RNF144A: variants seen among roughly 807,000 people sequenced by gnomAD.
RNF144A encodes E3 ubiquitin-protein ligase RNF144A.
A neutral mutation model predicts 38.7 loss-of-function variants in RNF144A; 11 were observed. The observed-to-expected ratio is 0.28, with a 90% CI of 0.18 to 0.47. The LOEUF is 0.47. Ranked by LOEUF, RNF144A falls within the 20% of genes least tolerant of loss-of-function variation. The pLI is 0.99. For missense variants in RNF144A, 316 were observed against 377.2 expected (o/e 0.84, Z 1.34); for synonymous variants, 149 against 143.9 (o/e 1.04, Z -0.25).
At chr2:6,935,424 C>A (rs955578626) in intron 1 of RNF144A, among the ~76,000 whole-genome samples, 1 of 152,210 alleles carries the variant, frequency 6.6e-6, no homozygotes, top group Non-Finnish European at 1.5e-5. Context: ...CCTCATTGGT[C>A]GCTCTTCATC....
chr2:7,061,080 C>A (rs1462289667), intron 6 of RNF144A, among the ~76,000 whole-genome samples: 2 of 151,960 alleles, frequency 1.3e-5, no homozygotes, highest in East Asian at 3.9e-4. Flanking sequence ...TGGTAGTGGC[C>A]CAAGTGTTTC....
At chr2:7,034,707 G>C (rs139241029) in intron 8 of RNF144A, among the ~76,000 whole-genome samples, 9 of 152,210 alleles carry the variant, frequency 5.9e-5, no homozygotes, top group Non-Finnish European at 1.3e-4. Flanking sequence ...CAACAAGCTG[G>C]AATATTCAAG....
At chr2:6,952,392 GT>G (rs35358506) in intron 2 of RNF144A, among the ~76,000 whole-genome samples, 117,541 of 144,488 alleles carry the variant, frequency 0.81, 47,718 homozygotes, top group Non-Finnish European at 0.85. Flanking sequence ...AAGAGGGAGG[GT>G]TTTTTTTTTT....
intron 2 of RNF144A, among the ~76,000 whole-genome samples, chr2:6,951,661 A>G (rs1484345827): frequency 6.6e-6 from 1 of 152,134 alleles, no homozygotes; most frequent in Non-Finnish European, 1.5e-5. Flanking sequence ...CTCTAGATAC[A>G]CCTTACTTAT....
intron 5 of RNF144A, among the ~76,000 whole-genome samples, chr2:7,017,197 G>C (rs114832104): frequency 0.014 from 2,066 of 152,292 alleles, 51 homozygotes; most frequent in African/African-American, 0.047. Flanking sequence ...TCTATCTGGA[G>C]GCTCAGCCCT....
intron 2 of RNF144A, among the ~76,000 whole-genome samples, chr2:6,970,423 CA>C (rs1430302616): frequency 1.7e-4 from 26 of 152,358 alleles, no homozygotes; most frequent in African/African-American, 6.3e-4. Flanking sequence ...CCTCCCCAGC[CA>C]TGTGGAACTG....
intron 6 of RNF144A, among the ~76,000 whole-genome samples, chr2:7,022,579 G>A (rs1057073721): frequency 1.6e-4 from 25 of 152,098 alleles, no homozygotes; most frequent in African/African-American, 6.0e-4. Context: ...TGTTCCTGCC[G>A]TTTCTTCCAA....
At chr2:6,984,983 A>G (rs1246936036) in intron 2 of RNF144A, among the ~76,000 whole-genome samples, 1 of 152,214 alleles carries the variant, frequency 6.6e-6, no homozygotes, top group Non-Finnish European at 1.5e-5. Context: ...AGTTCATTGT[A>G]TTAGTTTATT....
downstream of RNF144A, among the ~76,000 whole-genome samples, chr2:7,044,519 A>G (rs1008501624): frequency 1.3e-5 from 2 of 152,160 alleles, no homozygotes; most frequent in African/African-American, 4.8e-5. Flanking sequence ...ATCCCCACTC[A>G]GGGCGCTCTG....
chr2:7,039,590 A>G, intron 8 of RNF144A, 39 bp from the exon 9 acceptor site: 1 of 1,610,812 alleles, frequency 6.2e-7, no homozygotes, highest in South Asian at 1.1e-5. Context: ...CCTACAGACC[A>G]GCCCTCCTTA....
intron 2 of RNF144A, among the ~76,000 whole-genome samples, chr2:6,952,120 T>A (rs1473542693): frequency 6.6e-6 from 1 of 152,188 alleles, no homozygotes; most frequent in Non-Finnish European, 1.5e-5. Context: ...CATAAATACA[T>A]GTTGAATTTT....
intron 6 of RNF144A, among the ~76,000 whole-genome samples, chr2:7,058,870 C>T (rs940100505): frequency 2.6e-5 from 4 of 151,978 alleles, no homozygotes; most frequent in East Asian, 1.9e-4. Context: ...TGCATTTTGC[C>T]GACCGTATAC....
chr2:7,038,164 C>A (rs968721302), intron 8 of RNF144A, among the ~76,000 whole-genome samples: 1 of 152,220 alleles, frequency 6.6e-6, no homozygotes, highest in Non-Finnish European at 1.5e-5. Flanking sequence ...GCTTTAGACT[C>A]CAGGAAGGAC....
Position 6,996,959 on chromosome 2 carries a change from C to A in RNF144A, c.33C>A (p.Asp11Glu). Residue 11 changes from aspartate (D) to glutamate (E), a missense_variant, in exon 3 of 9, where the codon GAC (aspartate) becomes GAA (glutamate). Asp to Glu is a conservative substitution (Grantham distance 45). Coordinates refer to ENST00000320892, the MANE Select transcript of RNF144A (RefSeq NM_014746.6). MTTTRYRPTWDLALDPLVSCK... is the reference protein window; with the variant it reads MTTTRYRPTWELALDPLVSCK... The stretch of plus-strand genomic sequence containing the variant: ...CAACAAGGTACCGGCCCACCTGGGA[C>A]CTGGCCCTCGACCCGCTGGTGTCTT... 1 of 1,614,004 alleles carries A rather than the reference C, an allele frequency of 6.2e-7. No homozygotes were observed.
chr2:7,041,098 T>C lies in RNF144A; in HGVS notation c.*1338T>C. Reference sequence around the variant, plus strand: ...AGGTGCTTTTACAAAGCAAACTGCATTGAATTTAAAACTTCTAAAAATAAC... The same window carrying C: ...AGGTGCTTTTACAAAGCAAACTGCACTGAATTTAAAACTTCTAAAAATAAC... On this transcript the variant is annotated 3_prime_UTR_variant, in exon 9 of 9. Transcript: ENST00000320892. 1.0e-6 allele frequency: 1 copy of C among 983,248 alleles called. No individual in the cohort carries two copies. Among genetic ancestry groups the C allele is most frequent in the Non-Finnish European group, 1.2e-6 (1 of 827,926 alleles). The allele number at this position is 983,248 out of a possible 1,614,324, so 60.9% of individuals were successfully genotyped here. A position where few individuals can be genotyped will look rare whatever the true frequency, so the allele number is the denominator to read the frequency against.
chr2:6,971,307 G>A (rs1185721992), intron 2 of RNF144A, among the ~76,000 whole-genome samples: 1 of 152,152 alleles, frequency 6.6e-6, no homozygotes, highest in East Asian at 1.9e-4. Context: ...TTTTGACTGG[G>A]AGCCCCGGTA....
At chr2:7,001,008 T>C (rs899492611) in intron 3 of RNF144A, among the ~76,000 whole-genome samples, 2 of 152,062 alleles carry the variant, frequency 1.3e-5, no homozygotes, top group Non-Finnish European at 2.9e-5. Context: ...AACTTAAAAA[T>C]GTAACATTTG....
At position 6,941,857 on chromosome 2, in the gene RNF144A, A is replaced by G. The variant is rs1487313572; in HGVS notation, c.-12+710A>G. On this transcript the variant is annotated intron_variant, in intron 2 of 8. Transcript: ENST00000320892. This position sits in a 1 kb window ranked among gnomAD's most constrained non-coding sequence, Gnocchi z 6.5. ...GCAGCATACGGACAGCTGGAGGAGC[A>G]CCCAGGCCAGCCTGGCTGGAAGGAC... Among the ~76,000 whole-genome samples the G allele has an allele frequency of 1.3e-5, 2 of 152,204 alleles. No individual in the cohort carries two copies. The highest frequency in any genetic ancestry group is 2.9e-5 in the Non-Finnish European group (2 of 68,044).
intron 2 of RNF144A, among the ~76,000 whole-genome samples, chr2:6,973,187 C>T (rs6725038): frequency 3.3e-5 from 5 of 152,190 alleles, no homozygotes; most frequent in African/African-American, 9.7e-5. Context: ...GATTTGCCTA[C>T]GTGGTTGAGT....
Sources: gnomAD v4.1 joint callset for allele counts (sites outside exome capture counted in the v4.1 genomes callset) on GRCh38, gnomAD v4.1.1 for gene constraint, Gnocchi (gnomAD v3.1) non-coding constraint, MANE v1.5 for transcripts, NCBI Gene and HGNC (gene_info 2026-07-23, HGNC 2026-07-21) for gene names.